SLC9C1: variants seen among roughly 807,000 people sequenced by gnomAD.
SLC9C1 encodes the protein solute carrier family 9 member C1, also known as sodium/hydrogen exchanger 10.
Under a neutral mutation model 140.9 loss-of-function variants are expected in SLC9C1, and 97 were observed. The observed-to-expected ratio is 0.69, with a 90% CI of 0.58 to 0.82. The LOEUF (loss-of-function observed/expected upper bound fraction) is 0.82, where lower values mean the gene tolerates loss of function less well. Among genes scored for constraint, SLC9C1 ranks in the 40% least tolerant of loss-of-function variants. The probability of loss-of-function intolerance (pLI) is 0.00; values close to 1 mark genes in which losing one functional copy is unlikely to be tolerated. For synonymous variants in SLC9C1, 440 were observed against 442.6 expected (o/e 0.99, Z 0.07); for missense variants, 1,340 against 1,389.3 (o/e 0.96, Z 0.56).
At chr3:112,234,244 A>G (rs908736207) in intron 12 of SLC9C1, among the ~76,000 whole-genome samples, 1 of 152,044 alleles carries the variant, frequency 6.6e-6, no homozygotes, top group African/African-American at 2.4e-5. Context: ...AATGATGAGC[A>G]TTTTTTCATG....
At chr3:112,227,293 A>T (rs528623204) in intron 13 of SLC9C1, among the ~76,000 whole-genome samples, 1 of 152,318 alleles carries the variant, frequency 6.6e-6, no homozygotes, top group South Asian at 2.1e-4. Flanking sequence ...ACAAAAAAAG[A>T]AAACTATAGG....
chr3:112,161,487 A>T (rs2075297529), intron 26 of SLC9C1, among the ~76,000 whole-genome samples: 1 of 152,200 alleles, frequency 6.6e-6, no homozygotes, highest in South Asian at 2.1e-4. Flanking sequence ...CTTTCTACAT[A>T]TGGCTAGCCA....
intron 3 of SLC9C1, chr3:112,279,065 T>C (rs969955624): frequency 2.4e-6 from 1 of 424,436 alleles, no homozygotes; most frequent in South Asian, 3.0e-5. Flanking sequence ...ATAGAACGGA[T>C]AGAGACTGGA....
intron 10 of SLC9C1, among the ~76,000 whole-genome samples, chr3:112,254,777 A>G (rs763530805): frequency 1.6e-4 from 25 of 152,314 alleles, no homozygotes; most frequent in African/African-American, 6.0e-4. Flanking sequence ...TAAATGCCCC[A>G]TTTAAAAGAC....
intron 11 of SLC9C1, 144 bp from the exon 12 acceptor site, chr3:112,240,150 A>C: frequency 1.3e-6 from 1 of 758,488 alleles, no homozygotes; most frequent in Non-Finnish European, 2.0e-6. Context: ...GGAATACTAA[A>C]GAGTTAAACA....
chr3:112,164,174 G>A (rs1045813675), intron 26 of SLC9C1, among the ~76,000 whole-genome samples: 2 of 151,700 alleles, frequency 1.3e-5, no homozygotes, highest in Non-Finnish European at 2.9e-5. Context: ...GTCTCTGCAC[G>A]TGAATTGGGT....
At chr3:112,249,558 C>T (rs534639525) in intron 10 of SLC9C1, among the ~76,000 whole-genome samples, 1 of 152,032 alleles carries the variant, frequency 6.6e-6, no homozygotes, top group Admixed American at 6.5e-5. Flanking sequence ...TACAATTCAT[C>T]TATGAATTTG....
intron 10 of SLC9C1, among the ~76,000 whole-genome samples, chr3:112,252,814 A>G (rs1602673): frequency 0.3 from 44,964 of 151,834 alleles, 7,208 homozygotes; most frequent in East Asian, 0.43. Flanking sequence ...CTGCTTTTTT[A>G]AGTGGGTCCA....
chr3:112,208,409 G>T (rs1251959866), intron 15 of SLC9C1, 36 bp from the exon 16 acceptor site: 17 of 1,362,160 alleles, frequency 1.2e-5, no homozygotes, highest in Non-Finnish European at 1.6e-5. Context: ...CTGATAAAAG[G>T]TTTACATTAA....
chr3:112,146,415 T>G (rs1416235602), intron 28 of SLC9C1, among the ~76,000 whole-genome samples: 1 of 152,206 alleles, frequency 6.6e-6, no homozygotes, highest in African/African-American at 2.4e-5. Context: ...GATTGTTAAT[T>G]TGAGATCTTT....
intron 26 of SLC9C1, among the ~76,000 whole-genome samples, chr3:112,157,710 A>G (rs1360394467): frequency 1.3e-5 from 2 of 151,166 alleles, no homozygotes; most frequent in Non-Finnish European, 3.0e-5. Flanking sequence ...ACAGTGTTTT[A>G]TAGTTTTTCT....
intron 2 of SLC9C1, among the ~76,000 whole-genome samples, chr3:112,282,137 T>C (rs1185358564): frequency 6.6e-6 from 1 of 152,220 alleles, no homozygotes; most frequent in African/African-American, 2.4e-5. Context: ...CCAGATCAGC[T>C]ACAGACAAGA....
At chr3:112,277,225 T>G (rs978569610) in intron 5 of SLC9C1, among the ~76,000 whole-genome samples, 3 of 152,120 alleles carry the variant, frequency 2.0e-5, no homozygotes, top group Admixed American at 6.6e-5. Flanking sequence ...AAACACTGTG[T>G]GATTGTTGAG....
chr3:112,201,669 C>T (rs1300182574), intron 18 of SLC9C1, among the ~76,000 whole-genome samples: 2 of 152,008 alleles, frequency 1.3e-5, no homozygotes, highest in Non-Finnish European at 2.9e-5. Context: ...CCTGCTTACT[C>T]ACTATGGAAC....
At position 112,213,862 on chromosome 3, in the gene SLC9C1, T is replaced by C. The variant is rs188537817; in HGVS notation, c.1790+3580A>G. On this transcript the variant is annotated intron_variant, in intron 15 of 28. Coordinates refer to ENST00000305815, the MANE Select transcript of SLC9C1 (RefSeq NM_183061.3). ...TCAGCTCTGCACCAAGCACACCTAA[T>C]AGACATCTACAGAACTCTCCACCCC... Among the ~76,000 whole-genome samples the C allele has an allele frequency of 5.5e-3, 842 of 152,316 alleles. 4 individuals are homozygous for C. The highest frequency in any genetic ancestry group is 8.4e-3 in the Non-Finnish European group (570 of 68,028).
At chr3:112,206,259 C>T (rs1004542768) in intron 16 of SLC9C1, among the ~76,000 whole-genome samples, 1 of 151,936 alleles carries the variant, frequency 6.6e-6, no homozygotes, top group Non-Finnish European at 1.5e-5. Flanking sequence ...TGCTCATCAT[C>T]ACTGGTCATC....
intron 15 of SLC9C1, among the ~76,000 whole-genome samples, chr3:112,211,948 G>T (rs1171649905): frequency 6.6e-6 from 1 of 152,188 alleles, no homozygotes; most frequent in Non-Finnish European, 1.5e-5. Context: ...TAATTGGGAG[G>T]CACCCCCCAG....
intron 20 of SLC9C1, among the ~76,000 whole-genome samples, chr3:112,195,687 A>G (rs2077754681): frequency 6.6e-6 from 1 of 152,172 alleles, no homozygotes; most frequent in Admixed American, 6.5e-5. Context: ...TAACACTATA[A>G]TTTGAATTTA....
At chr3:112,153,768 G>A (rs2075052314) in intron 27 of SLC9C1, among the ~76,000 whole-genome samples, 1 of 152,216 alleles carries the variant, frequency 6.6e-6, no homozygotes, top group South Asian at 2.1e-4. Flanking sequence ...TGGCTATTAA[G>A]TGGTAGAATC....
Sources: allele counts gnomAD v4.1 joint callset (sites outside exome capture counted in the v4.1 genomes callset), GRCh38; gene constraint gnomAD v4.1.1; transcripts MANE v1.5; gene names NCBI Gene and HGNC (gene_info 2026-07-23, HGNC 2026-07-21).